CD46: variants seen among roughly 807,000 people sequenced by gnomAD.
CD46 encodes the protein CD46 molecule, also known as membrane cofactor protein.
CD46 carries 30 observed loss-of-function variants against 53.3 expected under a neutral mutation model. The observed-to-expected ratio is 0.56, with a 90% CI of 0.42 to 0.76. The LOEUF (loss-of-function observed/expected upper bound fraction) is 0.76. Among genes scored for constraint, CD46 ranks in the 30% least tolerant of loss-of-function variants. The probability of loss-of-function intolerance (pLI) is 0.00; values close to 1 mark genes in which losing one functional copy is unlikely to be tolerated. For missense variants in CD46, 409 were observed against 463.0 expected (o/e 0.88, Z 1.07); for synonymous variants, 142 against 152.0 (o/e 0.93, Z 0.48).
intron 3 of CD46, among the ~76,000 whole-genome samples, chr1:207,758,741 A>G (rs1304893811): frequency 2.0e-5 from 3 of 152,342 alleles, no homozygotes; most frequent in Non-Finnish European, 2.9e-5. Context: ...AAGGCAACTG[A>G]CAGTTTTTAA....
At chr1:207,774,886 A>AT (rs1657922389) in intron 8 of CD46, among the ~76,000 whole-genome samples, 1 of 152,088 alleles carries the variant, frequency 6.6e-6, no homozygotes, top group African/African-American at 2.4e-5. Context: ...TTCAAGGAGT[A>AT]TTTTTGTGGT....
At chr1:207,785,875 A>G (rs996417838) in intron 11 of CD46, 193 bp downstream of exon 11, 2 of 545,430 alleles carry the variant, frequency 3.7e-6, no homozygotes, top group Non-Finnish European at 6.6e-6. Context: ...TCACTGCAAC[A>G]TAAAAACATC....
chr1:207,787,871 C>T (rs1159804007), intron 11 of CD46, among the ~76,000 whole-genome samples: 1 of 152,110 alleles, frequency 6.6e-6, no homozygotes, highest in Non-Finnish European at 1.5e-5. Context: ...TCTTCAGAGT[C>T]TAGAGGAATG....
intron 1 of CD46, among the ~76,000 whole-genome samples, chr1:207,755,290 G>C (rs2724382): frequency 0.61 from 93,074 of 152,068 alleles, 28,861 homozygotes; most frequent in East Asian, 0.91. Flanking sequence ...GAAAAGCAAG[G>C]TTAAGTTTGA....
At chr1:207,788,648 T>C (rs1437210940) in intron 11 of CD46, among the ~76,000 whole-genome samples, 1 of 152,240 alleles carries the variant, frequency 6.6e-6, no homozygotes, top group Non-Finnish European at 1.5e-5. Context: ...ATAAAATGTC[T>C]GGAGGCACTT....
chr1:207,752,453 G>C lies in CD46; in HGVS notation c.97+144G>C. 2.5e-6 allele frequency: 2 copies of C among 807,428 alleles called. No homozygotes were observed. The highest frequency in any genetic ancestry group is 1.4e-5 in the South Asian group (1 of 73,084). The allele number at this position is 807,428 out of a possible 1,614,324, so 50.0% of individuals were successfully genotyped here. ...AGGGGTGCAGTGCTCAGATCCCGGG[G>C]GTATGTGGCGGGGAATGCGGGGACC... is the stretch of plus-strand genomic sequence containing the variant. On this transcript the variant is annotated intron_variant, in intron 1 of 12. Transcript: ENST00000367042. The surrounding 1 kb of genome is among the most constrained non-coding windows in gnomAD (Gnocchi z 4.1).
chr1:207,765,621 A>G (rs1236731461), intron 5 of CD46, among the ~76,000 whole-genome samples: 1 of 152,180 alleles, frequency 6.6e-6, no homozygotes, highest in East Asian at 1.9e-4. Context: ...GATGCCACTA[A>G]ATACCTATTG....
In CD46 at chr1:207,761,319, G is replaced by T; in HGVS notation, c.546G>T (p.Glu182Asp). 2 of 1,613,296 alleles carry T rather than the reference G, an allele frequency of 1.2e-6. No individual in the cohort carries two copies. The highest frequency in any genetic ancestry group is 8.5e-7 in the Non-Finnish European group (1 of 1,179,234). The change falls in exon 5 of 13, where the codon GAG (glutamate) becomes GAT (aspartate). Residue 182 changes from glutamate to aspartate, a missense_variant. Physicochemically the swap from Glu to Asp is conservative, Grantham distance 45. Transcript: ENST00000367042. The part of the protein sequence containing the change: ...KHTFSEVEVF[E>D]YLDAVTYSCD... ...CCTTTAGTGAAGTAGAAGTATTTGA[G>T]TATCTTGATGCAGTAACTTATAGTT...
intron 5 of CD46, among the ~76,000 whole-genome samples, chr1:207,764,581 T>C (rs769598606): frequency 4.1e-4 from 63 of 152,344 alleles, no homozygotes; most frequent in Non-Finnish European, 1.5e-4. Flanking sequence ...TAAACTTTAC[T>C]TGATTACTTT....
chr1:207,785,680 A>C lies in CD46; in HGVS notation c.1080A>C (p.Lys360Asn). The stretch of plus-strand genomic sequence containing the variant: ...GATATCTTCAAAGGAGGAAGAAGAA[A>C]GGGTAAATTAAAGCATGTTTCTTTT... ...PYRYLQRRKKKGTYLTDETHR... is the reference protein window; with the variant it reads ...PYRYLQRRKKNGTYLTDETHR... Residue 360 changes from lysine (K) to asparagine (N), a missense_variant and splice_region_variant, in exon 11 of 13, where the codon AAA (lysine) becomes AAC (asparagine). Transcript: ENST00000367042. 1 of 1,599,368 alleles carries C rather than the reference A, an allele frequency of 6.3e-7. No individual in the cohort carries two copies. Among genetic ancestry groups the C allele is most frequent in the Non-Finnish European group, 8.6e-7 (1 of 1,166,784 alleles).
intron 8 of CD46, among the ~76,000 whole-genome samples, chr1:207,772,480 G>T (rs374536939): frequency 6.6e-6 from 1 of 152,078 alleles, no homozygotes; most frequent in Non-Finnish European, 1.5e-5. Flanking sequence ...GTCTTGTGCC[G>T]GTTTCCAAAG....
chr1:207,765,865 G>A (rs1422910331), intron 5 of CD46, among the ~76,000 whole-genome samples: 1 of 152,140 alleles, frequency 6.6e-6, no homozygotes, highest in Non-Finnish European at 1.5e-5. Flanking sequence ...GTTCACAGCA[G>A]CCTTATTCAT....
chr1:207,779,836 A>G (rs940276683), intron 8 of CD46, among the ~76,000 whole-genome samples: 1 of 146,818 alleles, frequency 6.8e-6, no homozygotes, highest in Admixed American at 6.8e-5. Context: ...TGTATCATAC[A>G]TTGCATTCAT....
rs958175950 is a variant in CD46 at position 207,773,781 on chromosome 1, G to T, written c.943+3419G>T. ...TTGTGATTTCTGTTCTTTTACATTT[G>T]CTGAGGAGTGTTTTCTACCAATTAT... On this transcript the variant is annotated intron_variant, in intron 8 of 12. Coordinates refer to ENST00000367042, the MANE Select transcript of CD46 (RefSeq NM_172351.3). 1.1e-4 allele frequency among the ~76,000 whole-genome samples: 17 copies of T among 152,178 alleles called. 1 individual carries two copies. Among genetic ancestry groups the T allele is most frequent in the African/African-American group, 2.9e-4 (12 of 41,444 alleles).
chr1:207,767,024 C>A lies in CD46; in HGVS notation c.685C>A (p.Arg229=). The change falls in exon 6 of 13, where the codon CGA becomes AGA. Residue 229 remains arginine (R), a synonymous_variant. Transcript: ENST00000367042. The stretch of plus-strand genomic sequence containing the variant: ...CTCTAATTTTCCAGTGGTCAAATGT[C>A]GATTTCCAGTAGTCGAAAATGGAAA... ...AAPECKVVKC[R]FPVVENGKQI... 6.2e-7 allele frequency: 1 copy of A among 1,613,084 alleles called. No individual in the cohort carries two copies. The highest frequency in any genetic ancestry group is 1.1e-5 in the South Asian group (1 of 90,996).
intron 8 of CD46, among the ~76,000 whole-genome samples, chr1:207,778,753 T>C (rs1468474275): frequency 1.3e-5 from 2 of 152,210 alleles, no homozygotes; most frequent in African/African-American, 4.8e-5. Context: ...TGCGTAAGAT[T>C]TTCTTGACTA....
intron 6 of CD46, 154 bp from the exon 7 acceptor site, chr1:207,767,625 C>T: frequency 6.2e-7 from 1 of 1,613,198 alleles, no homozygotes; most frequent in Non-Finnish European, 8.5e-7. Context: ...CCATCTAGTA[C>T]AAAACCTCCA....
At position 207,769,925 on chromosome 1, in the gene CD46, C is replaced by T. The variant is rs536993065; in HGVS notation, c.902-396C>T. 166 of 199,898 alleles carry T rather than the reference C, an allele frequency of 8.3e-4. 2 individuals carry two copies. Among genetic ancestry groups the T allele is most frequent in the Admixed American group, 1.9e-3 (35 of 18,374 alleles). 12.4% of individuals were successfully genotyped at this position (199,898 alleles called of 1,614,324 possible). A position where few individuals can be genotyped will look rare whatever the true frequency, so the allele number is the denominator to read the frequency against. On this transcript the variant is annotated intron_variant, in intron 7 of 12. Transcript: ENST00000367042. ...GTATTACAGGCACCCACCACTATGC[C>T]GGCTAATTTTTTGTATTTTTAGTAG...
intron 3 of CD46, among the ~76,000 whole-genome samples, chr1:207,759,210 C>CT (rs1455639861): frequency 3.9e-5 from 6 of 152,176 alleles, no homozygotes; most frequent in African/African-American, 1.4e-4. Context: ...AGTGAAGGAA[C>CT]TTTAAGTGAC....
Sources: allele counts gnomAD v4.1 joint callset (sites outside exome capture counted in the v4.1 genomes callset), GRCh38; gene constraint gnomAD v4.1.1; non-coding constraint Gnocchi (gnomAD v3.1); transcripts MANE v1.5; gene names NCBI Gene and HGNC (gene_info 2026-07-23, HGNC 2026-07-21).